The following ATG16L1 variants were observed in gnomAD, a reference collection of about 807,000 sequenced individuals.
ATG16L1 encodes the protein autophagy-related protein 16-1.
ATG16L1 carries 37 observed loss-of-function variants against 88.5 expected under a neutral mutation model. The ratio of observed to expected loss-of-function variants is 0.42; its 90% confidence interval spans 0.32 to 0.55. The LOEUF (loss-of-function observed/expected upper bound fraction) is 0.55, where lower values mean the gene tolerates loss of function less well. Among genes scored for constraint, ATG16L1 ranks in the 20% least tolerant of loss-of-function variants. ATG16L1 has a pLI of 0.13. For missense variants in ATG16L1, 554 were observed against 752.8 expected, an observed-to-expected ratio of 0.74 and a Z score of 3.09; for synonymous variants, 301 against 281.0, an observed-to-expected ratio of 1.07 and a Z score of -0.71.
At chr2:233,262,528 C>G (rs1204628029) in intron 2 of ATG16L1, among the ~76,000 whole-genome samples, 2 of 152,234 alleles carry the variant, frequency 1.3e-5, no homozygotes, top group Non-Finnish European at 2.9e-5. Context: ...TCCAAATACA[C>G]CACCTGCTGT....
chr2:233,283,292 TG>T (rs1305459794), intron 12 of ATG16L1, among the ~76,000 whole-genome samples: 1 of 152,120 alleles, frequency 6.6e-6, no homozygotes, highest in African/African-American at 2.4e-5. Context: ...AAAACTTGGT[TG>T]TATCATTTTT....
chr2:233,282,541 A>G (rs957985255), intron 11 of ATG16L1, 141 bp from the exon 12 acceptor site: 6 of 723,110 alleles, frequency 8.3e-6, no homozygotes, highest in Non-Finnish European at 1.5e-5. Flanking sequence ...CACACTCACG[A>G]CAGTAGCTGG....
intron 2 of ATG16L1, among the ~76,000 whole-genome samples, chr2:233,257,336 C>A (rs1696863892): frequency 6.6e-6 from 1 of 152,188 alleles, no homozygotes; most frequent in African/African-American, 2.4e-5. Context: ...GCCCAGCTTA[C>A]AATTTTTAAC....
chr2:233,256,902 A>G (rs1442391620), intron 2 of ATG16L1, among the ~76,000 whole-genome samples: 1 of 151,738 alleles, frequency 6.6e-6, no homozygotes, highest in Non-Finnish European at 1.5e-5. Flanking sequence ...GGGTTTCACC[A>G]TGTTGGCCAG....
At chr2:233,292,099 ACATTTC>A in intron 14 of ATG16L1, 23 bp from the exon 15 acceptor site, 1 of 1,609,648 alleles carries the variant, frequency 6.2e-7, no homozygotes, top group Non-Finnish European at 8.5e-7. Flanking sequence ...GGCCTACGTT[ACATTTC>A]TCAGATCTGT....
chr2:233,283,550 A>T (rs1698861378), intron 12 of ATG16L1, among the ~76,000 whole-genome samples: 1 of 151,034 alleles, frequency 6.6e-6, no homozygotes, highest in African/African-American at 2.4e-5. Context: ...GTTAAGATGA[A>T]TTTTTTTTCT....
intron 6 of ATG16L1, among the ~76,000 whole-genome samples, chr2:233,272,168 G>C (rs1698040701): frequency 1.3e-5 from 2 of 152,178 alleles, no homozygotes; most frequent in Admixed American, 1.3e-4. Flanking sequence ...TCAGTAGGAG[G>C]TCATTAAGAC....
intron 13 of ATG16L1, 121 bp downstream of exon 13, chr2:233,290,095 T>G: frequency 6.5e-7 from 1 of 1,535,072 alleles, no homozygotes; most frequent in South Asian, 1.2e-5. Context: ...GGCTTCATGT[T>G]TAGAGGGGCA....
chr2:233,275,634 G>A (rs374110038), intron 9 of ATG16L1: 74 of 467,344 alleles, frequency 1.6e-4, no homozygotes, highest in African/African-American at 1.1e-3. Flanking sequence ...AGAGAGTTCC[G>A]CTTTGGAGGA....
Position 233,295,313 on chromosome 2 carries a change from TTACTA to T in ATG16L1, c.*965_*969del, listed in dbSNP as rs1243006195. 2.6e-5 allele frequency: 4 copies of T among 152,836 alleles called. No homozygotes were observed. Among genetic ancestry groups the T allele is most frequent in the African/African-American group, 9.6e-5 (4 of 41,476 alleles). The allele number at this position is 152,836 out of a possible 1,614,324, so 9.5% of individuals were successfully genotyped here. A position where few individuals can be genotyped will look rare whatever the true frequency, so the allele number is the denominator to read the frequency against. On this transcript the variant is annotated 3_prime_UTR_variant, in exon 18 of 18. Transcript: ENST00000392017. ...GAAGGCCAAGGAAAAACATTTATCT[TTACTA>T]TTTTACCTACGTATAAAGTTTTAGT...
At chr2:233,255,475 G>A (rs1212359813) in intron 1 of ATG16L1, among the ~76,000 whole-genome samples, 4 of 152,178 alleles carry the variant, frequency 2.6e-5, no homozygotes, top group East Asian at 1.9e-4. Context: ...TACCAATACA[G>A]ATCTGTTAGC....
chr2:233,266,718 G>A (rs187819562), intron 5 of ATG16L1, among the ~76,000 whole-genome samples: 6 of 152,190 alleles, frequency 3.9e-5, no homozygotes, highest in Admixed American at 2.6e-4. Flanking sequence ...GCCAAGATAC[G>A]GATCAATCTA....
chr2:233,284,722 G>T (rs760022629), intron 12 of ATG16L1, among the ~76,000 whole-genome samples: 21 of 151,656 alleles, frequency 1.4e-4, no homozygotes, highest in Non-Finnish European at 1.2e-4. Flanking sequence ...CGTCTGCCTC[G>T]GCCTCCCAAA....
chr2:233,282,213 G>A (rs901716173), intron 11 of ATG16L1, among the ~76,000 whole-genome samples: 12 of 152,176 alleles, frequency 7.9e-5, no homozygotes, highest in African/African-American at 2.9e-4. Flanking sequence ...TGGCCCGTGC[G>A]TTCAGTGCTT....
chr2:233,269,978 C>CTTTTTT, intron 5 of ATG16L1, 24 bp from the exon 6 acceptor site: 1 of 1,471,794 alleles, frequency 6.8e-7, no homozygotes, highest in Non-Finnish European at 9.1e-7. Flanking sequence ...AAATGGTGGG[C>CTTTTTT]TTTTTTTTTT....
chr2:233,293,380 C>A, intron 17 of ATG16L1, 23 bp downstream of exon 17: 1 of 1,599,826 alleles, frequency 6.3e-7, no homozygotes, highest in Middle Eastern at 1.8e-4. Context: ...CTGTCTCAGC[C>A]CCCCGTTGCG....
At chr2:233,276,036 G>A (rs777069778) in intron 9 of ATG16L1, 5 of 501,916 alleles carry the variant, frequency 1.0e-5, no homozygotes, top group South Asian at 5.7e-5. Flanking sequence ...AAAAGAAAAG[G>A]AAATTTCATG....
chr2:233,276,028 AAG>A (rs1161569314), intron 9 of ATG16L1: 1 of 504,114 alleles, frequency 2.0e-6, no homozygotes, highest in South Asian at 1.4e-5. Context: ...AACCATAAAA[AAG>A]AAAAGGAAAT....
intron 14 of ATG16L1, among the ~76,000 whole-genome samples, chr2:233,291,848 C>T (rs1465868076): frequency 6.6e-6 from 1 of 152,198 alleles, no homozygotes; most frequent in African/African-American, 2.4e-5. Flanking sequence ...CTAGTTAGCT[C>T]ATGCTGATCA....
Sources: allele counts gnomAD v4.1 joint callset (sites outside exome capture counted in the v4.1 genomes callset), GRCh38; gene constraint gnomAD v4.1.1; transcripts MANE v1.5; gene names NCBI Gene and HGNC (gene_info 2026-07-23, HGNC 2026-07-21).